MIPOL1: variants seen among roughly 807,000 people sequenced by gnomAD.
MIPOL1 encodes the protein mirror-image polydactyly 1.
A neutral mutation model predicts 60.9 loss-of-function variants in MIPOL1; 57 were observed. The ratio of observed to expected loss-of-function variants is 0.94; its 90% confidence interval spans 0.76 to 1.17. MIPOL1 has a LOEUF of 1.17. Ranked by LOEUF, MIPOL1 falls within the 50% of genes most tolerant of loss-of-function variation. The pLI, the probability that MIPOL1 is intolerant of heterozygous loss-of-function variation, is 0.00. For synonymous variants in MIPOL1, 179 were observed against 168.8 expected (o/e 1.06, Z -0.47); for missense variants, 551 against 511.6 (o/e 1.08, Z -0.74).
chr14:37,460,296 AT>A (rs1428560716), intron 11 of MIPOL1, among the ~76,000 whole-genome samples: 2 of 152,144 alleles, frequency 1.3e-5, no homozygotes, highest in African/African-American at 2.4e-5. Flanking sequence ...AAGAAAAAGC[AT>A]TTGATGAAAT....
intron 6 of MIPOL1, chr14:37,278,068 T>C (rs2083810658): frequency 1.3e-5 from 2 of 151,596 alleles, no homozygotes; most frequent in Admixed American, 1.3e-4. Context: ...CAGAAAAAGT[T>C]ATTTACAAAG....
intron 11 of MIPOL1, among the ~76,000 whole-genome samples, chr14:37,489,237 G>T (rs1007877556): frequency 6.6e-6 from 1 of 151,824 alleles, no homozygotes; most frequent in Non-Finnish European, 1.5e-5. Context: ...CCTTTCTTCC[G>T]CTTGATCAAC....
intron 10 of MIPOL1, among the ~76,000 whole-genome samples, chr14:37,390,208 A>G (rs1305575049): frequency 6.6e-6 from 1 of 152,026 alleles, no homozygotes; most frequent in Non-Finnish European, 1.5e-5. Context: ...AACAAGAGCA[A>G]AACTCCTTCT....
chr14:37,427,756 T>G (rs1447684488), intron 11 of MIPOL1, among the ~76,000 whole-genome samples: 1 of 152,146 alleles, frequency 6.6e-6, no homozygotes, highest in Non-Finnish European at 1.5e-5. Context: ...TTAATTTGAT[T>G]TAAATGAAAG....
At chr14:37,528,408 C>T (rs938300635) in intron 12 of MIPOL1, among the ~76,000 whole-genome samples, 3 of 151,872 alleles carry the variant, frequency 2.0e-5, no homozygotes, top group African/African-American at 7.2e-5. Context: ...TTGCACATAT[C>T]TGTGCAAATG....
intron 11 of MIPOL1, among the ~76,000 whole-genome samples, chr14:37,480,067 G>A (rs1301475475): frequency 1.3e-5 from 2 of 152,038 alleles, no homozygotes; most frequent in African/African-American, 4.8e-5. Context: ...ATAAAAAGTT[G>A]CCCAGGACCT....
At chr14:37,544,658 A>G (rs1019938760) in intron 12 of MIPOL1, among the ~76,000 whole-genome samples, 1 of 152,196 alleles carries the variant, frequency 6.6e-6, no homozygotes, top group African/African-American at 2.4e-5. Context: ...CCTTACAGGA[A>G]GGAATAGGTG....
At chr14:37,381,858 G>C (rs900446481) in intron 10 of MIPOL1, among the ~76,000 whole-genome samples, 1 of 151,810 alleles carries the variant, frequency 6.6e-6, no homozygotes, top group Non-Finnish European at 1.5e-5. Context: ...CCAAGGTACT[G>C]GGATTATAGA....
At chr14:37,514,714 C>A (rs529896991) in intron 12 of MIPOL1, among the ~76,000 whole-genome samples, 1 of 151,894 alleles carries the variant, frequency 6.6e-6, no homozygotes, top group Admixed American at 6.6e-5. Flanking sequence ...CTCCGCCTCC[C>A]GAGTTCATGC....
At chr14:37,204,615 C>G (rs528970479) in intron 1 of MIPOL1, among the ~76,000 whole-genome samples, 8 of 152,122 alleles carry the variant, frequency 5.3e-5, no homozygotes, top group African/African-American at 9.7e-5. Flanking sequence ...TCACCTTTCA[C>G]GATGATTGTG....
chr14:37,243,780 T>G (rs1392558439), intron 1 of MIPOL1, among the ~76,000 whole-genome samples: 1 of 152,180 alleles, frequency 6.6e-6, no homozygotes, highest in Non-Finnish European at 1.5e-5. Flanking sequence ...TAAATGCTTC[T>G]CTGTCAAAAA....
chr14:37,264,375 C>G (rs1256201873), intron 3 of MIPOL1, among the ~76,000 whole-genome samples: 2 of 151,610 alleles, frequency 1.3e-5, no homozygotes, highest in East Asian at 3.9e-4. Flanking sequence ...CCTGTAATCC[C>G]AATACTTTGG....
intron 1 of MIPOL1, among the ~76,000 whole-genome samples, chr14:37,230,049 G>T (rs1315873438): frequency 6.6e-6 from 1 of 152,112 alleles, no homozygotes; most frequent in Non-Finnish European, 1.5e-5. Flanking sequence ...CTTAAAAATT[G>T]CTAAGAGAGT....
chr14:37,435,451 A>AT (rs746516581), intron 11 of MIPOL1, among the ~76,000 whole-genome samples: 28 of 151,140 alleles, frequency 1.9e-4, no homozygotes, highest in African/African-American at 6.1e-4. Flanking sequence ...CTTTATTATT[A>AT]TTTTTTTTCA....
intron 12 of MIPOL1, among the ~76,000 whole-genome samples, chr14:37,524,440 T>G (rs2095433177): frequency 6.6e-6 from 1 of 152,172 alleles, no homozygotes; most frequent in Non-Finnish European, 1.5e-5. Context: ...TTTGGAAGAC[T>G]GGAGGAAGAA....
chr14:37,363,091 C>A (rs919689555), intron 9 of MIPOL1, among the ~76,000 whole-genome samples: 1 of 152,046 alleles, frequency 6.6e-6, no homozygotes, highest in African/African-American at 2.4e-5. Context: ...TTACTACTGA[C>A]CTTCTGAAGC....
At chr14:37,512,293 A>AACC (rs34738846) in intron 12 of MIPOL1, among the ~76,000 whole-genome samples, 116,883 of 151,674 alleles carry the variant, frequency 0.77, 45,561 homozygotes, top group African/African-American at 0.89. Flanking sequence ...GACGAGTAAG[A>AACC]GTCTGTAGTT....
intron 9 of MIPOL1, among the ~76,000 whole-genome samples, chr14:37,340,597 C>A (rs983664476): frequency 1.3e-5 from 2 of 151,624 alleles, no homozygotes; most frequent in Non-Finnish European, 2.9e-5. Flanking sequence ...GTAGTTCCAG[C>A]TCCTGCCTCG....
chr14:37,336,508 C>G (rs1166242696), intron 9 of MIPOL1, among the ~76,000 whole-genome samples: 1 of 151,466 alleles, frequency 6.6e-6, no homozygotes, highest in East Asian at 1.9e-4. Context: ...TGTTTTTGAT[C>G]TTTGGAATTT....
Sources: gnomAD v4.1 joint callset for allele counts (sites outside exome capture counted in the v4.1 genomes callset) on GRCh38, gnomAD v4.1.1 for gene constraint, MANE v1.5 for transcripts, NCBI Gene and HGNC (gene_info 2026-07-23, HGNC 2026-07-21) for gene names.